CACNA2D3: variants seen among roughly 807,000 people sequenced by gnomAD.
CACNA2D3 encodes the protein voltage-dependent calcium channel subunit alpha-2/delta-3.
Under a neutral mutation model 160.6 loss-of-function variants are expected in CACNA2D3, and 60 were observed. That is an observed-to-expected ratio of 0.37 (90% CI 0.30 to 0.46). CACNA2D3 has a LOEUF of 0.46. Among genes scored for constraint, CACNA2D3 ranks in the 20% least tolerant of loss-of-function variants. CACNA2D3 has a pLI of 1.00. For missense variants in CACNA2D3, 1,205 were observed against 1,365.0 expected (o/e 0.88, Z 1.85); for synonymous variants, 558 against 492.9 (o/e 1.13, Z -1.75).
intron 6 of CACNA2D3, among the ~76,000 whole-genome samples, chr3:54,563,726 C>G (rs1457540637): frequency 6.6e-6 from 1 of 152,180 alleles, no homozygotes; most frequent in Non-Finnish European, 1.5e-5. Flanking sequence ...AGAAAAACCC[C>G]ACCCTGCATA....
chr3:54,752,783 C>T (rs1470583165), intron 12 of CACNA2D3, 106 bp downstream of exon 12: 1 of 756,548 alleles, frequency 1.3e-6, no homozygotes, highest in Non-Finnish European at 2.3e-6. Flanking sequence ...AAGATAAAGT[C>T]TGGGTATATC....
At chr3:54,787,586 T>C (rs2106639512) in intron 13 of CACNA2D3, among the ~76,000 whole-genome samples, 1 of 152,284 alleles carries the variant, frequency 6.6e-6, no homozygotes, top group East Asian at 1.9e-4. Context: ...GTGAAAACTT[T>C]AAAAATTAGT....
intron 4 of CACNA2D3, among the ~76,000 whole-genome samples, chr3:54,460,679 A>T (rs1700486472): frequency 6.6e-6 from 1 of 152,190 alleles, no homozygotes; most frequent in Non-Finnish European, 1.5e-5. Flanking sequence ...TTTTGGGCTG[A>T]GGCAATGGGG....
intron 11 of CACNA2D3, among the ~76,000 whole-genome samples, chr3:54,676,874 C>G (rs1486315066): frequency 2.6e-5 from 4 of 152,122 alleles, no homozygotes; most frequent in East Asian, 3.9e-4. Context: ...TAACTTTGAC[C>G]CCCCAAAACA....
chr3:54,957,847 C>T (rs1701939709), intron 27 of CACNA2D3, among the ~76,000 whole-genome samples: 1 of 152,152 alleles, frequency 6.6e-6, no homozygotes, highest in African/African-American at 2.4e-5. Context: ...AGCAACTTCC[C>T]CTGTAGATTT....
In CACNA2D3 at chr3:54,627,827, T is replaced by G; in HGVS notation, c.1004T>G (p.Ile335Ser). The G allele has an allele frequency of 6.2e-7, 1 of 1,610,680 alleles. No homozygotes were observed. Among genetic ancestry groups the G allele is most frequent in the Non-Finnish European group, 8.5e-7 (1 of 1,178,478 alleles). The stretch of plus-strand genomic sequence containing the variant: ...CTGGACAAACTTTTCGCCAAAGGAA[T>G]TGGAATGTTGGATATAGCTCTGAAT... The part of the protein sequence containing the change: ...EHLDKLFAKG[I>S]GMLDIALNEA... The change falls in exon 10 of 38, where the codon ATT becomes AGT. Residue 335 changes from isoleucine (I) to serine (S), a missense_variant. Physicochemically the swap from Ile to Ser is moderately radical, Grantham distance 142. Coordinates refer to ENST00000474759, the MANE Select transcript of CACNA2D3 (RefSeq NM_018398.3).
chr3:54,429,085 C>A (rs1052088986), intron 4 of CACNA2D3, among the ~76,000 whole-genome samples: 3 of 152,098 alleles, frequency 2.0e-5, no homozygotes, highest in African/African-American at 7.2e-5. Flanking sequence ...ATAAAGCCAG[C>A]CCTCTCTGGT....
At chr3:54,638,422 A>G (rs1699427252) in intron 10 of CACNA2D3, 1 of 151,984 alleles carries the variant, frequency 6.6e-6, no homozygotes, top group African/African-American at 2.4e-5. Flanking sequence ...CTAGTCACGG[A>G]ATGAAACTGT....
rs1256070064 is a variant in CACNA2D3 at position 55,073,827 on chromosome 3, C to T, written c.3151C>T (p.Arg1051Cys). 10 of 1,613,588 alleles carry T rather than the reference C, an allele frequency of 6.2e-6. No individual in the cohort carries two copies. The highest frequency in any genetic ancestry group is 5.3e-5 in the African/African-American group (4 of 74,900). ...ERLKAQKIRR[R>C]PESCHGFHPE... is the part of the protein sequence containing the mutation. Reference sequence around the variant, plus strand: ...TCTAAAGGCCCAGAAGATCAGAAGGCGCCCAGAATCTTGTCATGGCTTCCA... The same window carrying T: ...TCTAAAGGCCCAGAAGATCAGAAGGTGCCCAGAATCTTGTCATGGCTTCCA... Residue 1051 changes from arginine (R) to cysteine (C), a missense_variant, in exon 37 of 38, where the codon CGC becomes TGC. This residue lies in a region of CACNA2D3 where 911 missense variants were observed against 1,002.2 expected (regional missense o/e 0.91). Transcript: ENST00000474759.
At chr3:54,438,938 T>C (rs989213735) in intron 4 of CACNA2D3, among the ~76,000 whole-genome samples, 3 of 152,232 alleles carry the variant, frequency 2.0e-5, no homozygotes, top group Non-Finnish European at 4.4e-5. Flanking sequence ...TGAGCAAGCA[T>C]ACATTTTGTA....
At chr3:54,469,913 A>G (rs946858714) in intron 4 of CACNA2D3, among the ~76,000 whole-genome samples, 1 of 152,192 alleles carries the variant, frequency 6.6e-6, no homozygotes, top group Admixed American at 6.5e-5. Flanking sequence ...AAAAGCCTCC[A>G]AGAAATATGG....
At chr3:54,632,018 T>C (rs1380936162) in intron 10 of CACNA2D3, 1 of 152,262 alleles carries the variant, frequency 6.6e-6, no homozygotes, top group African/African-American at 2.4e-5. Flanking sequence ...GAGCTAATTG[T>C]AGTTCATCAT....
chr3:54,747,536 A>G (rs1701774897), intron 11 of CACNA2D3, among the ~76,000 whole-genome samples: 1 of 152,134 alleles, frequency 6.6e-6, no homozygotes, highest in Non-Finnish European at 1.5e-5. Context: ...ATCCTTTTAC[A>G]TTATGTATCA....
chr3:54,320,624 T>G (rs1703965843), intron 3 of CACNA2D3, 66 bp downstream of exon 3: 5 of 715,446 alleles, frequency 7.0e-6, no homozygotes, highest in Non-Finnish European at 1.1e-5. Flanking sequence ...GGGATGGCAT[T>G]GATGAACCAA....
intron 10 of CACNA2D3, among the ~76,000 whole-genome samples, chr3:54,640,870 C>T (rs1465729801): frequency 6.6e-6 from 1 of 152,074 alleles, no homozygotes; most frequent in Non-Finnish European, 1.5e-5. Context: ...TCAAGTAGCC[C>T]ATTGTTTGTA....
At chr3:54,736,473 T>A (rs1701534654) in intron 11 of CACNA2D3, among the ~76,000 whole-genome samples, 1 of 152,156 alleles carries the variant, frequency 6.6e-6, no homozygotes, top group Non-Finnish European at 1.5e-5. Flanking sequence ...TTATGCACAT[T>A]TAAAATATTT....
chr3:54,442,358 C>T (rs190405580), intron 4 of CACNA2D3, among the ~76,000 whole-genome samples: 26 of 152,282 alleles, frequency 1.7e-4, no homozygotes, highest in African/African-American at 6.3e-4. Context: ...TTTACTCCTT[C>T]TCCCTTCCTT....
chr3:54,546,610 T>C (rs944773896), intron 5 of CACNA2D3, among the ~76,000 whole-genome samples: 2 of 152,182 alleles, frequency 1.3e-5, no homozygotes, highest in African/African-American at 4.8e-5. Context: ...AGAAGGTGTT[T>C]AATGTTTTTT....
intron 13 of CACNA2D3, among the ~76,000 whole-genome samples, chr3:54,814,146 G>A (rs373393431): frequency 3.3e-5 from 5 of 152,144 alleles, no homozygotes; most frequent in South Asian, 2.1e-4. Flanking sequence ...TGGGATCACA[G>A]GTGTGAGCCA....
Sources: allele counts gnomAD v4.1 joint callset (sites outside exome capture counted in the v4.1 genomes callset), GRCh38; gene constraint gnomAD v4.1.1; regional missense constraint gnomAD v4.1.1; transcripts MANE v1.5; gene names NCBI Gene and HGNC (gene_info 2026-07-23, HGNC 2026-07-21).